The following CNTN4 variants were observed in gnomAD, a reference collection of about 807,000 sequenced individuals.
CNTN4 encodes contactin-4.
A neutral mutation model predicts 122.5 loss-of-function variants in CNTN4; 77 were observed. The observed-to-expected ratio is 0.63, with a 90% CI of 0.52 to 0.76. CNTN4 has a LOEUF of 0.76. CNTN4 is among the 30% of genes least tolerant of loss of function. The pLI is 0.00. For missense variants in CNTN4, 1,256 were observed against 1,259.1 expected, an observed-to-expected ratio of 1.00 and a Z score of 0.04; for synonymous variants, 512 against 447.0, an observed-to-expected ratio of 1.15 and a Z score of -1.83.
chr3:2,386,413 T>A (rs1243241376), intron 3 of CNTN4, among the ~76,000 whole-genome samples: 8 of 152,158 alleles, frequency 5.3e-5, no homozygotes, highest in Admixed American at 5.2e-4. Flanking sequence ...AAGAATGCTT[T>A]CCCCATCTGG....
rs1041875274 is a variant in CNTN4, at chr3:2,336,016, C to T, written c.-144-3162C>T. On this transcript the variant is annotated intron_variant, in intron 2 of 24. Coordinates refer to ENST00000418658, the MANE Select transcript of CNTN4 (RefSeq NM_175607.3). Reference sequence around the variant, plus strand: ...AAGACAACACAGGTACATACTTTCCCACAGTAAAAGGTATGTGTGTTTTGG... The same window carrying T: ...AAGACAACACAGGTACATACTTTCCTACAGTAAAAGGTATGTGTGTTTTGG... Among the ~76,000 whole-genome samples the T allele has an allele frequency of 2.0e-5, 3 of 152,244 alleles. No individual in the cohort carries two copies. In the East Asian group the frequency reaches 5.8e-4, roughly 29 times the overall value.
chr3:2,221,154 T>C (rs1163684281), intron 2 of CNTN4, among the ~76,000 whole-genome samples: 2 of 152,132 alleles, frequency 1.3e-5, no homozygotes, highest in Admixed American at 1.3e-4. Flanking sequence ...TACTGAAATA[T>C]CTTCCTTATG....
intron 3 of CNTN4, among the ~76,000 whole-genome samples, chr3:2,415,357 C>T (rs1398417306): frequency 6.6e-6 from 1 of 152,136 alleles, no homozygotes; most frequent in Non-Finnish European, 1.5e-5. Context: ...GTAAGAGAAC[C>T]ATAATAGCTA....
intron 2 of CNTN4, among the ~76,000 whole-genome samples, chr3:2,299,471 C>T (rs1575309880): frequency 6.6e-6 from 1 of 152,088 alleles, no homozygotes; most frequent in Non-Finnish European, 1.5e-5. Flanking sequence ...ATACCCCCAC[C>T]CTCTTTCTTC....
chr3:2,967,849 CTT>C (rs796772751), intron 13 of CNTN4, among the ~76,000 whole-genome samples: 167 of 108,748 alleles, frequency 1.5e-3, no homozygotes, highest in Middle Eastern at 5.1e-3. Flanking sequence ...GTTTTGTTTG[CTT>C]TTTTTTTTTT....
At chr3:2,437,588 A>G (rs1279209524) in intron 3 of CNTN4, among the ~76,000 whole-genome samples, 3 of 152,232 alleles carry the variant, frequency 2.0e-5, no homozygotes, top group Non-Finnish European at 2.9e-5. Context: ...AAATTTTAAC[A>G]TGCAAAAGTA....
chr3:2,505,203 A>G (rs2076700611), intron 3 of CNTN4, among the ~76,000 whole-genome samples: 1 of 152,164 alleles, frequency 6.6e-6, no homozygotes, highest in Admixed American at 6.5e-5. Context: ...GATGTCTGCT[A>G]TTTTCACTCA....
chr3:2,231,852 C>T (rs943595480), intron 2 of CNTN4, among the ~76,000 whole-genome samples: 19 of 152,132 alleles, frequency 1.2e-4, no homozygotes, highest in Non-Finnish European at 1.8e-4. Flanking sequence ...ATGCTAATTG[C>T]AATTCAGATT....
intron 2 of CNTN4, among the ~76,000 whole-genome samples, chr3:2,337,238 T>A (rs558807771): frequency 6.6e-6 from 1 of 152,282 alleles, no homozygotes; most frequent in South Asian, 2.1e-4. Flanking sequence ...TAAGTTCTTT[T>A]GGCCAGGATT....
chr3:2,785,902 C>CCA (rs1553639529), intron 6 of CNTN4, among the ~76,000 whole-genome samples: 5 of 129,458 alleles, frequency 3.9e-5, no homozygotes, highest in Non-Finnish European at 8.4e-5. Flanking sequence ...GCTGCCCCCC[C>CCA]CCGCCCCCCC....
chr3:2,186,598 T>C (rs2037278753), intron 2 of CNTN4, among the ~76,000 whole-genome samples: 1 of 152,188 alleles, frequency 6.6e-6, no homozygotes. Context: ...ACCTGTTGTT[T>C]CCTGACTTTT....
intron 8 of CNTN4, among the ~76,000 whole-genome samples, chr3:2,867,182 G>A (rs1044987647): frequency 9.2e-5 from 14 of 152,216 alleles, no homozygotes; most frequent in African/African-American, 3.4e-4. Context: ...GGAATAGAAT[G>A]AGGATTTAGG....
chr3:2,853,853 G>T (rs57791571), intron 7 of CNTN4, among the ~76,000 whole-genome samples: 39,560 of 152,030 alleles, frequency 0.26, 5,185 homozygotes, highest in Middle Eastern at 0.3. Flanking sequence ...GTGTCCTGAG[G>T]TATGATTGGT....
intron 2 of CNTN4, among the ~76,000 whole-genome samples, chr3:2,176,780 C>T (rs1575007777): frequency 6.6e-6 from 1 of 152,074 alleles, no homozygotes; most frequent in Non-Finnish European, 1.5e-5. Context: ...TGAAAACCAA[C>T]TTAAATATGA....
At chr3:2,704,180 C>A (rs951761894) in intron 4 of CNTN4, among the ~76,000 whole-genome samples, 1 of 151,238 alleles carries the variant, frequency 6.6e-6, no homozygotes, top group Non-Finnish European at 1.5e-5. Context: ...ACCTGTAGTC[C>A]CCAGTACTCG....
At chr3:3,051,700 C>A (rs543781166) in intron 23 of CNTN4, among the ~76,000 whole-genome samples, 1 of 152,138 alleles carries the variant, frequency 6.6e-6, no homozygotes, top group Non-Finnish European at 1.5e-5. Context: ...ATCTTTCTAC[C>A]TTAAGGAAAT....
At chr3:3,003,443 A>T (rs1401724087) in intron 14 of CNTN4, among the ~76,000 whole-genome samples, 1 of 152,198 alleles carries the variant, frequency 6.6e-6, no homozygotes, top group African/African-American at 2.4e-5. Flanking sequence ...TGCTATTGAT[A>T]TGTGGATGAA....
At chr3:2,809,199 T>A (rs1178840449) in intron 6 of CNTN4, among the ~76,000 whole-genome samples, 2 of 152,206 alleles carry the variant, frequency 1.3e-5, no homozygotes, top group African/African-American at 4.8e-5. Flanking sequence ...AAAGAGGGGA[T>A]GTGACAGAGA....
rs150765167 is a variant in CNTN4, at chr3:2,785,114, TAC to T, written c.359-34348_359-34347del. Among the ~76,000 whole-genome samples the T allele has an allele frequency of 3.1e-3, 437 of 138,910 alleles. 5 individuals are homozygous for T. The highest frequency in any genetic ancestry group is 1.4e-3 in the Non-Finnish European group (91 of 64,646). The allele number at this position is 138,910 out of a possible 152,430, so 91.1% of individuals were successfully genotyped here. A position where few individuals can be genotyped will look rare whatever the true frequency, so the allele number is the denominator to read the frequency against. On this transcript the variant is annotated intron_variant, in intron 6 of 24. Coordinates refer to ENST00000418658, the MANE Select transcript of CNTN4 (RefSeq NM_175607.3). ...ATATAAGTACACATTTGTACATGCGTACACACACACACACACACACACACATA... is the reference window on the plus strand; with the variant it reads ...ATATAAGTACACATTTGTACATGCGTACACACACACACACACACACACATA...
Sources: gnomAD v4.1 joint callset for allele counts (sites outside exome capture counted in the v4.1 genomes callset) on GRCh38, gnomAD v4.1.1 for gene constraint, MANE v1.5 for transcripts, NCBI Gene and HGNC (gene_info 2026-07-23, HGNC 2026-07-21) for gene names.